Variants in PLEKHA4 observed in about 807,000 individuals in gnomAD.
PLEKHA4 encodes the protein pleckstrin homology domain containing A4, also known as pleckstrin homology domain-containing family A member 4.
In PLEKHA4, 73 loss-of-function variants were observed where a neutral mutation model predicts 94.7. The observed-to-expected ratio is 0.77, with a 90% CI of 0.64 to 0.94. The LOEUF is 0.94. Ranked by LOEUF, PLEKHA4 falls within the 40% of genes least tolerant of loss-of-function variation. The pLI, the probability that PLEKHA4 is intolerant of heterozygous loss-of-function variation, is 0.00. For synonymous variants in PLEKHA4, 449 were observed against 437.1 expected (o/e 1.03, Z -0.34); for missense variants, 1,049 against 1,054.1 (o/e 1.00, Z 0.07).
At position 48,865,516 on chromosome 19, in the gene PLEKHA4, C is replaced by T; in HGVS notation, c.179G>A (p.Trp60Ter). Reference protein sequence around the residue: ...DPNLPVHIRGWLHKQDSSGLR... With the variant: ...DPNLPVHIRG ...TACTGACCCCACCTGCTTATGAAGC[C>T]AGCCTCGGATGTGCACGGGAAGGTT... Residue 60 changes from tryptophan (W) to a stop codon, truncating the protein, a stop_gained, in exon 3 of 20, where the codon TGG becomes TAG. Transcript: ENST00000263265. LOFTEE classifies it high-confidence loss of function. The T allele has an allele frequency of 6.2e-7, 1 of 1,613,942 alleles. No individual in the cohort carries two copies. The highest frequency in any genetic ancestry group is 8.5e-7 in the Non-Finnish European group (1 of 1,179,894).
chr19:48,845,287 C>T (rs921201229), intron 16 of PLEKHA4, 83 bp downstream of exon 16: 7 of 1,325,844 alleles, frequency 5.3e-6, no homozygotes, highest in Admixed American at 1.7e-5. Context: ...GGCCTTAGAA[C>T]GCTCTACTCC....
In PLEKHA4 at chr19:48,857,467, C is replaced by T. The variant is rs764763077; in HGVS notation, c.1002G>A (p.Gln334=). The T allele has an allele frequency of 1.9e-5, 30 of 1,567,222 alleles. No homozygotes were observed. Among genetic ancestry groups the T allele is most frequent in the Non-Finnish European group, 2.5e-5 (29 of 1,160,794 alleles). The part of the protein sequence containing the change: ...QAHSGSPTYL[Q]LPPRPPGTRA... ...GGGTCCCAGGGGGCCGCGGGGGGAG[C>T]TGGAGATAAGTGGGGGAGCCAGAGT... Residue 334 remains glutamine (Q), a synonymous_variant, in exon 9 of 20, where the codon CAG becomes CAA. Transcript: ENST00000263265.
intron 12 of PLEKHA4, 144 bp downstream of exon 12, chr19:48,853,538 A>T: frequency 1.2e-6 from 1 of 829,628 alleles, no homozygotes; most frequent in Non-Finnish European, 1.7e-6. Flanking sequence ...CAAGACAATG[A>T]GGAGAGAGAA....
intron 13 of PLEKHA4, among the ~76,000 whole-genome samples, chr19:48,850,171 A>G (rs772506077): frequency 2.0e-5 from 3 of 151,380 alleles, no homozygotes; most frequent in Non-Finnish European, 4.4e-5. Context: ...ACACCACTGC[A>G]CTCCAGCCTG....
At chr19:48,841,922 G>T (rs770362448) in intron 16 of PLEKHA4, among the ~76,000 whole-genome samples, 3 of 152,120 alleles carry the variant, frequency 2.0e-5, no homozygotes, top group Non-Finnish European at 4.4e-5. Flanking sequence ...CCTCACTCTG[G>T]GTGACAGGGC....
Position 48,839,232 on chromosome 19 carries a change from C to G in PLEKHA4, c.1937G>C (p.Trp646Ser). 6.3e-7 allele frequency: 1 copy of G among 1,596,590 alleles called. No individual in the cohort carries two copies. Among genetic ancestry groups the G allele is most frequent in the Non-Finnish European group, 8.6e-7 (1 of 1,168,586 alleles). ...PVVGHSGAQK[W>S]LRSSGSWSSP... ...ACTCCAGGACCCAGAGCTTCTGAGC[C>G]ATTTCTGGGCTCCCGAGTGTCCTAC... is the stretch of plus-strand genomic sequence containing the variant. Residue 646 changes from tryptophan to serine, a missense_variant, in exon 18 of 20, where the codon TGG becomes TCG. Coordinates refer to ENST00000263265, the MANE Select transcript of PLEKHA4 (RefSeq NM_020904.3).
intron 9 of PLEKHA4, among the ~76,000 whole-genome samples, chr19:48,857,199 C>G (rs1484623982): frequency 6.6e-6 from 1 of 152,126 alleles, no homozygotes; most frequent in Non-Finnish European, 1.5e-5. Flanking sequence ...CCCTGCCAAT[C>G]CCTTGACTCC....
chr19:48,862,204 C>CTT (rs747491446), intron 3 of PLEKHA4, among the ~76,000 whole-genome samples: 5,207 of 135,484 alleles, frequency 0.038, 344 homozygotes, highest in African/African-American at 0.13. Flanking sequence ...TTTTCTCTCT[C>CTT]TTTTTTTTTT....
intron 13 of PLEKHA4, among the ~76,000 whole-genome samples, chr19:48,849,025 G>A (rs1489577345): frequency 6.6e-6 from 1 of 151,952 alleles, no homozygotes; most frequent in Non-Finnish European, 1.5e-5. Context: ...TCAGCCTCCT[G>A]AGTAACTGGG....
intron 9 of PLEKHA4, 59 bp from the exon 10 acceptor site, chr19:48,854,323 C>A: frequency 1.4e-6 from 2 of 1,463,854 alleles, no homozygotes; most frequent in Admixed American, 1.7e-5. Context: ...TCTTGTAACT[C>A]AGTGCTGAGC....
At chr19:48,856,065 G>A (rs535547017) in intron 9 of PLEKHA4, among the ~76,000 whole-genome samples, 2 of 151,452 alleles carry the variant, frequency 1.3e-5, no homozygotes, top group East Asian at 3.9e-4. Context: ...CCAGCTACTC[G>A]GGCAGCTGAG....
At position 48,859,320 on chromosome 19, in the gene PLEKHA4, C is replaced by T. The variant is rs577338210; in HGVS notation, c.692+149G>A. On this transcript the variant is annotated intron_variant, in intron 7 of 19. Transcript: ENST00000263265. The stretch of plus-strand genomic sequence containing the variant: ...TGTCCGCTTTGTGGCATCTTCCCCT[C>T]CAGTCTTCTCCCCGACAGGCTGTGA... The T allele has an allele frequency of 6.0e-5, 56 of 938,122 alleles. No homozygotes were observed. In the South Asian group the frequency reaches 7.2e-4, roughly 12 times the overall value. 58.1% of individuals were successfully genotyped at this position (938,122 alleles called of 1,614,324 possible). A position where few individuals can be genotyped will look rare whatever the true frequency, so the allele number is the denominator to read the frequency against.
At chr19:48,840,909 C>T (rs903345007) in intron 17 of PLEKHA4, among the ~76,000 whole-genome samples, 4 of 152,050 alleles carry the variant, frequency 2.6e-5, no homozygotes, top group Non-Finnish European at 5.9e-5. Context: ...ACTAGGCTTC[C>T]AATCCAGATG....
chr19:48,859,765 G>T, intron 6 of PLEKHA4, 81 bp from the exon 7 acceptor site: 1 of 1,312,862 alleles, frequency 7.6e-7, no homozygotes, highest in Non-Finnish European at 1.1e-6. Context: ...GAGAACACAA[G>T]GATGCACCCA....
intron 13 of PLEKHA4, 22 bp from the exon 14 acceptor site, chr19:48,848,062 G>C (rs1349606800): frequency 6.2e-7 from 1 of 1,611,904 alleles, no homozygotes; most frequent in Non-Finnish European, 8.5e-7. Flanking sequence ...AAAGGAATTT[G>C]TTACTTAAAG....
chr19:48,854,306 T>C (rs1458207770), intron 9 of PLEKHA4, 42 bp from the exon 10 acceptor site: 3 of 1,569,782 alleles, frequency 1.9e-6, no homozygotes, highest in Non-Finnish European at 2.6e-6. Flanking sequence ...GGGGACAGGC[T>C]GGTCATTCTT....
chr19:48,852,373 C>T (rs1239211198), intron 12 of PLEKHA4, 47 bp from the exon 13 acceptor site: 2 of 1,404,266 alleles, frequency 1.4e-6, no homozygotes, highest in African/African-American at 1.4e-5. Context: ...CCTCTCCCAC[C>T]AGATCCTTCC....
Position 48,859,069 on chromosome 19 carries a change from G to T in PLEKHA4, c.763C>A (p.Arg255=). The change falls in exon 8 of 20, where the codon CGA becomes AGA. Residue 255 remains arginine (R), a synonymous_variant. Transcript: ENST00000263265. ...GTGTCTCCTGAGGGGGCAGGGGGTC[G>T]CCGCGCAGGGGCAGAACGGGGACGG... ...LPRPRSAPAR[R]PPAPSGDTAP... is the part of the protein sequence containing the mutation. 1 of 1,428,676 alleles carries T rather than the reference G, an allele frequency of 7.0e-7. No individual in the cohort carries two copies. Among genetic ancestry groups the T allele is most frequent in the South Asian group, 1.3e-5 (1 of 77,164 alleles). The allele number at this position is 1,428,676 out of a possible 1,614,324, so 88.5% of individuals were successfully genotyped here.
At position 48,842,022 on chromosome 19, in the gene PLEKHA4, A is replaced by T. The variant is rs571738225; in HGVS notation, c.1744-712T>A. 8.0e-4 allele frequency among the ~76,000 whole-genome samples: 121 copies of T among 152,200 alleles called. 1 individual carries two copies. The highest frequency in any genetic ancestry group is 1.4e-3 in the Non-Finnish European group (92 of 68,008). ...TAAACATCCCAGTGAGATAGCATGGATCTGTGCTTATTGTAGAACCAGTCC... is the reference window on the plus strand; with the variant it reads ...TAAACATCCCAGTGAGATAGCATGGTTCTGTGCTTATTGTAGAACCAGTCC... On this transcript the variant is annotated intron_variant, in intron 16 of 19. Transcript: ENST00000263265.
Sources: allele counts gnomAD v4.1 joint callset (sites outside exome capture counted in the v4.1 genomes callset), GRCh38; gene constraint gnomAD v4.1.1; transcripts MANE v1.5; gene names NCBI Gene and HGNC (gene_info 2026-07-23, HGNC 2026-07-21).